The following SHLD2 variants were observed in gnomAD, a reference collection of about 807,000 sequenced individuals.
SHLD2 encodes the protein RINN1-REV7-interacting novel NHEJ regulator 2.
Under a neutral mutation model 73.2 loss-of-function variants are expected in SHLD2, and 30 were observed. That is an observed-to-expected ratio of 0.41 (90% CI 0.31 to 0.56). The LOEUF is 0.56. SHLD2 is among the 20% of genes least tolerant of loss of function. SHLD2 has a pLI of 0.28. For synonymous variants in SHLD2, 285 were observed against 370.1 expected (o/e 0.77, Z 2.64); for missense variants, 745 against 1,055.9 (o/e 0.71, Z 4.08).
At chr10:87,132,155 T>C (rs535668796) in intron 2 of SHLD2, among the ~76,000 whole-genome samples, 1 of 152,330 alleles carries the variant, frequency 6.6e-6, no homozygotes, top group Non-Finnish European at 1.5e-5. Context: ...ATCTTTTGCC[T>C]CTAGATGTTT....
chr10:87,184,730 T>G (rs1227023052), intron 8 of SHLD2, among the ~76,000 whole-genome samples: 1 of 152,130 alleles, frequency 6.6e-6, no homozygotes, highest in African/African-American at 2.4e-5. Flanking sequence ...ATTTTTCTCC[T>G]TAGGATGTTC....
intron 2 of SHLD2, among the ~76,000 whole-genome samples, chr10:87,136,932 T>C (rs1844840487): frequency 1.3e-5 from 2 of 152,222 alleles, no homozygotes; most frequent in Admixed American, 1.3e-4. Context: ...AGCTGCATCA[T>C]AGCCCACACC....
chr10:87,186,978 A>G, intron 8 of SHLD2, 107 bp from the exon 9 acceptor site: 2 of 720,032 alleles, frequency 2.8e-6, no homozygotes, highest in Non-Finnish European at 4.8e-6. Flanking sequence ...AGGCATTCAA[A>G]TTAATCCTGC....
intron 6 of SHLD2, among the ~76,000 whole-genome samples, chr10:87,175,318 A>G (rs1223774964): frequency 1.3e-5 from 2 of 152,030 alleles, no homozygotes; most frequent in African/African-American, 2.4e-5. Context: ...AATTTTCTTT[A>G]CAGAAAGCAG....
chr10:87,152,593 A>G lies in SHLD2; in HGVS notation c.1239A>G (p.Val413=), dbSNP rs1334302385. 24 of 1,609,942 alleles carry G rather than the reference A, an allele frequency of 1.5e-5. No homozygotes were observed. The Admixed American group carries it at 3.9e-4, about 26-fold the overall frequency. The change falls in exon 3 of 10, where the codon GTA becomes GTG. Residue 413 remains valine, a synonymous_variant. Coordinates refer to ENST00000298786, the MANE Select transcript of SHLD2 (RefSeq NM_001330112.2). ...KLISNGGDSA[V]EMDRRNVSEF... ...TTTCTAATGGAGGAGATTCTGCTGT[A>G]GAAATGGATCGGAGAAATGTGTCTG...
At chr10:87,150,061 AT>A (rs569408745) in intron 2 of SHLD2, among the ~76,000 whole-genome samples, 33,285 of 114,608 alleles carry the variant, frequency 0.29, 4,004 homozygotes, top group South Asian at 0.4. Context: ...AAAATGAGTA[AT>A]TTTTTTTTTT....
chr10:87,122,173 C>CAAAAAA (rs10706744), intron 2 of SHLD2, among the ~76,000 whole-genome samples: 1 of 86,418 alleles, frequency 1.2e-5, no homozygotes, highest in African/African-American at 4.7e-5. Context: ...CACTGACTGT[C>CAAAAAA]AAAAAAAAAA....
At chr10:87,179,997 A>G (rs572461159) in intron 7 of SHLD2, 78 bp from the exon 8 acceptor site, 286 of 986,830 alleles carry the variant, frequency 2.9e-4, no homozygotes, top group Non-Finnish European at 4.1e-4. Flanking sequence ...TAAATCAACT[A>G]TAAAATTAGC....
intron 2 of SHLD2, among the ~76,000 whole-genome samples, chr10:87,111,480 C>T (rs184587483): frequency 6.2e-4 from 94 of 151,564 alleles, no homozygotes; most frequent in African/African-American, 2.2e-3. Context: ...CTCTCTACTA[C>T]AAATACAAAA....
intron 4 of SHLD2, among the ~76,000 whole-genome samples, chr10:87,164,220 A>G (rs1382617807): frequency 6.6e-6 from 1 of 151,766 alleles, no homozygotes; most frequent in Non-Finnish European, 1.5e-5. Context: ...GGCCTCCCAA[A>G]GTGCTGAGAT....
intron 2 of SHLD2, among the ~76,000 whole-genome samples, chr10:87,116,013 A>G (rs185485252): frequency 6.6e-6 from 1 of 152,332 alleles, no homozygotes; most frequent in Admixed American, 6.5e-5. Context: ...AAATGAAGAT[A>G]AAAATTTTAA....
chr10:87,178,245 A>G (rs1848073315), intron 7 of SHLD2, among the ~76,000 whole-genome samples: 4 of 150,156 alleles, frequency 2.7e-5, no homozygotes, highest in Non-Finnish European at 3.0e-5. Context: ...CAAAAAAAAA[A>G]AAAAAAAAAA....
At chr10:87,118,049 C>G (rs1183490115) in intron 2 of SHLD2, among the ~76,000 whole-genome samples, 1 of 152,152 alleles carries the variant, frequency 6.6e-6, no homozygotes, top group Non-Finnish European at 1.5e-5. Context: ...CTTTATTGAG[C>G]ACTGTCTAAG....
At chr10:87,113,299 G>C (rs1175537973) in intron 2 of SHLD2, among the ~76,000 whole-genome samples, 5 of 152,078 alleles carry the variant, frequency 3.3e-5, no homozygotes, top group Admixed American at 6.6e-5. Flanking sequence ...ACTCCAACCT[G>C]GTCAATAAGA....
chr10:87,180,512 G>A (rs1261857287), intron 8 of SHLD2, among the ~76,000 whole-genome samples: 1 of 152,042 alleles, frequency 6.6e-6, no homozygotes, highest in Non-Finnish European at 1.5e-5. Flanking sequence ...TCTTAAAGCA[G>A]TAATTGGGAG....
At chr10:87,100,022 C>G (rs1757237981) in intron 2 of SHLD2, among the ~76,000 whole-genome samples, 1 of 151,774 alleles carries the variant, frequency 6.6e-6, no homozygotes, top group Admixed American at 6.6e-5. Flanking sequence ...AGTTCCTTAC[C>G]AGATTTGAAA....
At chr10:87,099,127 T>A (rs1215965254) in intron 2 of SHLD2, among the ~76,000 whole-genome samples, 3 of 152,230 alleles carry the variant, frequency 2.0e-5, no homozygotes, top group African/African-American at 4.8e-5. Context: ...AAGACCAAAA[T>A]TCAGCTTGAA....
chr10:87,165,362 A>G (rs1200854024), intron 4 of SHLD2, among the ~76,000 whole-genome samples: 2 of 152,204 alleles, frequency 1.3e-5, no homozygotes, highest in Non-Finnish European at 2.9e-5. Flanking sequence ...ATACCAGCAT[A>G]CTAGAGGGAA....
At chr10:87,137,954 T>G (rs1844911180) in intron 2 of SHLD2, among the ~76,000 whole-genome samples, 1 of 152,124 alleles carries the variant, frequency 6.6e-6, no homozygotes, top group Non-Finnish European at 1.5e-5. Flanking sequence ...GGCACATACT[T>G]GAACCCAGGA....
Sources: allele counts gnomAD v4.1 joint callset (sites outside exome capture counted in the v4.1 genomes callset), GRCh38; gene constraint gnomAD v4.1.1; transcripts MANE v1.5; gene names NCBI Gene and HGNC (gene_info 2026-07-23, HGNC 2026-07-21).